Variants in L3MBTL3 observed in about 807,000 individuals in gnomAD.
The protein encoded by L3MBTL3 is lethal(3)malignant brain tumor-like protein 3.
A neutral mutation model predicts 102.3 loss-of-function variants in L3MBTL3; 27 were observed. The ratio of observed to expected loss-of-function variants is 0.26; its 90% CI spans 0.19 to 0.36. The LOEUF (loss-of-function observed/expected upper bound fraction) is 0.36, where lower values mean the gene tolerates loss of function less well. L3MBTL3 is among the 10% of genes least tolerant of loss of function. The pLI, the probability that L3MBTL3 is intolerant of heterozygous loss-of-function variation, is 1.00. For missense variants in L3MBTL3, 798 were observed against 955.3 expected, an observed-to-expected ratio of 0.84 and a Z score of 2.17; for synonymous variants, 340 against 320.9, an observed-to-expected ratio of 1.06 and a Z score of -0.64.
chr6:130,122,939 T>G (rs1786340399), intron 20 of L3MBTL3, among the ~76,000 whole-genome samples: 3 of 152,194 alleles, frequency 2.0e-5, no homozygotes, highest in Admixed American at 1.3e-4. Flanking sequence ...TTATTAATAG[T>G]AGTAGTATTG....
intron 2 of L3MBTL3, among the ~76,000 whole-genome samples, chr6:130,027,383 C>A (rs778901627): frequency 6.6e-6 from 1 of 152,148 alleles, no homozygotes; most frequent in African/African-American, 2.4e-5. Context: ...GGTATGATTG[C>A]TTAGGTACCA....
At chr6:130,036,874 G>T (rs1324440218) in intron 2 of L3MBTL3, among the ~76,000 whole-genome samples, 4 of 152,118 alleles carry the variant, frequency 2.6e-5, no homozygotes, top group Non-Finnish European at 4.4e-5. Flanking sequence ...TTTCGGAGGA[G>T]AACAAAACTC....
At chr6:130,092,026 A>G (rs949935276) in intron 16 of L3MBTL3, among the ~76,000 whole-genome samples, 10 of 152,132 alleles carry the variant, frequency 6.6e-5, no homozygotes, top group Non-Finnish European at 1.5e-4. Flanking sequence ...TAAAACAAAG[A>G]AATGACGAAA....
In L3MBTL3 at chr6:130,139,958, G is replaced by A; in HGVS notation, c.*205G>A. The stretch of plus-strand genomic sequence containing the variant: ...TTTAACCAGGTACTGTCTAACAACA[G>A]TCATCTTTTGGTTCTGTTCACTGAG... On this transcript the variant is annotated 3_prime_UTR_variant, in exon 23 of 23. Transcript: ENST00000361794. 3.4e-6 allele frequency: 1 copy of A among 297,780 alleles called. No homozygotes were observed. 18.4% of individuals were successfully genotyped at this position (297,780 alleles called of 1,614,324 possible).
At chr6:130,099,549 AC>A (rs1414111472) in intron 18 of L3MBTL3, among the ~76,000 whole-genome samples, 2 of 152,312 alleles carry the variant, frequency 1.3e-5, no homozygotes, top group East Asian at 3.9e-4. Flanking sequence ...AACATTTCTA[AC>A]ATGATGCAGA....
intron 2 of L3MBTL3, among the ~76,000 whole-genome samples, chr6:130,034,019 A>G (rs1432436356): frequency 6.6e-6 from 1 of 152,132 alleles, no homozygotes; most frequent in Non-Finnish European, 1.5e-5. Flanking sequence ...TGCGCCTCCT[A>G]GGTTATGCTG....
chr6:130,123,747 C>T (rs1232751804), intron 20 of L3MBTL3, among the ~76,000 whole-genome samples: 5 of 152,090 alleles, frequency 3.3e-5, no homozygotes, highest in South Asian at 2.1e-4. Context: ...GCACTTTGTC[C>T]GGTACTGGAT....
At chr6:130,114,463 A>G (rs1225126542) in intron 19 of L3MBTL3, among the ~76,000 whole-genome samples, 2 of 152,224 alleles carry the variant, frequency 1.3e-5, no homozygotes, top group African/African-American at 4.8e-5. Flanking sequence ...AAGAGACATC[A>G]TCTTTATTTC....
intron 2 of L3MBTL3, among the ~76,000 whole-genome samples, chr6:130,023,851 G>A (rs976843319): frequency 5.3e-5 from 8 of 152,016 alleles, no homozygotes; most frequent in Non-Finnish European, 1.2e-4. Context: ...TGGACTTCTC[G>A]GAATATTTCT....
chr6:130,076,046 G>A (rs1435016275), intron 13 of L3MBTL3, among the ~76,000 whole-genome samples: 3 of 152,116 alleles, frequency 2.0e-5, no homozygotes, highest in Non-Finnish European at 4.4e-5. Context: ...GAGGTTTGGG[G>A]TTTAGTAGTA....
At position 130,109,497 on chromosome 6, in the gene L3MBTL3, A is replaced by ATG. The variant is rs539649383; in HGVS notation, c.1886+4924_1886+4925dup. On this transcript the variant is annotated intron_variant, in intron 19 of 22. Transcript: ENST00000361794. ...TTTTCACATGTTTGTTGGCCACAAA[A>ATG]TGTCTTCGTTTGAGAAGTGTCTATT... Among the ~76,000 whole-genome samples, 10 of 152,318 alleles carry ATG rather than the reference A, an allele frequency of 6.6e-5. No individual in the cohort carries two copies. The East Asian group carries it at 1.9e-3, about 29-fold the overall frequency.
rs75057088 is a variant in L3MBTL3 at position 130,073,488 on chromosome 6, A to G, written c.1244+2361A>G. The stretch of plus-strand genomic sequence containing the variant: ...TGAAATGAGAATATTTTGTTTTTAA[A>G]GTTAGGTTTATTTGGGGAGGATTTT... On this transcript the variant is annotated intron_variant, in intron 13 of 22. Coordinates refer to ENST00000361794, the MANE Select transcript of L3MBTL3 (RefSeq NM_032438.4). Among the ~76,000 whole-genome samples the G allele has an allele frequency of 7.6e-3, 1,160 of 152,230 alleles. 16 individuals are homozygous for G. Among genetic ancestry groups the G allele is most frequent in the African/African-American group, 0.027 (1,106 of 41,518 alleles).
At chr6:130,025,296 A>G (rs1779274498) in intron 2 of L3MBTL3, among the ~76,000 whole-genome samples, 1 of 152,212 alleles carries the variant, frequency 6.6e-6, no homozygotes, top group Non-Finnish European at 1.5e-5. Flanking sequence ...CATGGAAGAT[A>G]TATTTTCTAA....
chr6:130,084,981 C>T (rs1783590291), intron 15 of L3MBTL3, among the ~76,000 whole-genome samples: 1 of 152,072 alleles, frequency 6.6e-6, no homozygotes, highest in South Asian at 2.1e-4. Context: ...AGGCACATGC[C>T]ACCATGCTGG....
At chr6:130,049,246 T>G (rs1780927913) in intron 3 of L3MBTL3, 36 bp from the exon 4 acceptor site, 1 of 1,214,850 alleles carries the variant, frequency 8.2e-7, no homozygotes, top group East Asian at 2.5e-5. Context: ...TCCTGAGCAC[T>G]TTTTAAATTT....
At chr6:130,024,699 T>C (rs1286990705) in intron 2 of L3MBTL3, among the ~76,000 whole-genome samples, 1 of 152,190 alleles carries the variant, frequency 6.6e-6, no homozygotes, top group African/African-American at 2.4e-5. Context: ...CGGTATTGTT[T>C]CTACTAGTTA....
chr6:130,115,770 T>C (rs1347554683), intron 19 of L3MBTL3, among the ~76,000 whole-genome samples: 2 of 152,242 alleles, frequency 1.3e-5, no homozygotes, highest in Non-Finnish European at 2.9e-5. Flanking sequence ...TTCACTATGA[T>C]TGTATTTCCA....
Position 130,053,259 on chromosome 6 carries a change from T to G in L3MBTL3, c.582+268T>G, listed in dbSNP as rs376607560. Among the ~76,000 whole-genome samples, 6 of 152,346 alleles carry G rather than the reference T, an allele frequency of 3.9e-5. No homozygotes were observed. In the East Asian group the frequency reaches 9.6e-4, roughly 24 times the overall value. On this transcript the variant is annotated intron_variant, in intron 7 of 22. Coordinates refer to ENST00000361794, the MANE Select transcript of L3MBTL3 (RefSeq NM_032438.4). ...GGTGAAAGGGAACATTTAAAAACCT[T>G]CAGTCTTGTAGATGAATCTTAAATT...
At chr6:130,071,905 A>AT (rs1782660130) in intron 13 of L3MBTL3, among the ~76,000 whole-genome samples, 1 of 152,156 alleles carries the variant, frequency 6.6e-6, no homozygotes. Flanking sequence ...GGATTCTTAG[A>AT]TACTCATTAG....
Sources: allele counts gnomAD v4.1 joint callset (sites outside exome capture counted in the v4.1 genomes callset), GRCh38; gene constraint gnomAD v4.1.1; transcripts MANE v1.5; gene names NCBI Gene and HGNC (gene_info 2026-07-23, HGNC 2026-07-21).